The following SH3BGRL variants were observed in gnomAD, a reference collection of about 807,000 sequenced individuals.
SH3BGRL encodes SH3 domain binding glutamate rich protein like, also known as adapter SH3BGRL.
A neutral mutation model predicts 9.8 loss-of-function variants in SH3BGRL; 7 were observed. The ratio of observed to expected loss-of-function variants is 0.72; its 90% CI spans 0.41 to 1.35. The LOEUF is 1.35. Among genes scored for constraint, SH3BGRL ranks in the 40% most tolerant of loss-of-function variants. The pLI, the probability that SH3BGRL is intolerant of heterozygous loss-of-function variation, is 0.01. For synonymous variants in SH3BGRL, 36 were observed against 29.1 expected, an observed-to-expected ratio of 1.24 and a Z score of -0.76; for missense variants, 73 against 84.4, an observed-to-expected ratio of 0.86 and a Z score of 0.53.
At chrX:81,221,680 A>G in intron 1 of SH3BGRL, among the ~76,000 whole-genome samples, 1 of 112,049 alleles carries the variant, frequency 8.9e-6, no homozygotes, top group East Asian at 2.8e-4. Context: ...ATTTTGTCCT[A>G]GCATCAAGGT....
intron 3 of SH3BGRL, among the ~76,000 whole-genome samples, chrX:81,283,257 C>G (rs917534740): frequency 7.2e-5 from 8 of 111,353 alleles, no homozygotes; most frequent in Non-Finnish European, 1.5e-4. Context: ...GAATTAATAC[C>G]AATCTGTTGG....
At chrX:81,262,232 T>C (rs1399088027) in intron 1 of SH3BGRL, among the ~76,000 whole-genome samples, 1 of 110,973 alleles carries the variant, frequency 9.0e-6, no homozygotes, top group Non-Finnish European at 1.9e-5. Context: ...ATTCTAAATA[T>C]ACAGTGATGA....
intron 1 of SH3BGRL, among the ~76,000 whole-genome samples, chrX:81,213,015 C>T (rs945610227): frequency 9.8e-5 from 11 of 111,741 alleles, no homozygotes; most frequent in African/African-American, 2.9e-4. Context: ...TGTACTTTTT[C>T]GTTGAAGTAT....
At chrX:81,239,105 T>G (rs757250235) in intron 1 of SH3BGRL, among the ~76,000 whole-genome samples, 8 of 111,900 alleles carry the variant, frequency 7.1e-5, no homozygotes, top group Non-Finnish European at 1.5e-4. Flanking sequence ...ACCTAACTCT[T>G]TAATGCCCAG....
At chrX:81,270,453 T>TGA (rs2075774392) in intron 1 of SH3BGRL, among the ~76,000 whole-genome samples, 2 of 112,269 alleles carry the variant, frequency 1.8e-5, no homozygotes, top group African/African-American at 6.5e-5. Flanking sequence ...TCCTTTCTGT[T>TGA]TGTTAGGTTT....
chrX:81,295,657 T>G (rs770483930), intron 3 of SH3BGRL, among the ~76,000 whole-genome samples: 1 of 111,619 alleles, frequency 9.0e-6, no homozygotes, highest in Non-Finnish European at 1.9e-5. Flanking sequence ...CTCTCTCAAG[T>G]GCAAATTTCA....
At chrX:81,236,170 C>T (rs1179778776) in intron 1 of SH3BGRL, among the ~76,000 whole-genome samples, 1 of 111,521 alleles carries the variant, frequency 9.0e-6, no homozygotes, top group Non-Finnish European at 1.9e-5. Flanking sequence ...CTTCTTTGTA[C>T]CCCAGTGCAG....
chrX:81,219,924 C>T (rs1314371355), intron 1 of SH3BGRL, among the ~76,000 whole-genome samples: 1 of 111,182 alleles, frequency 9.0e-6, no homozygotes, highest in East Asian at 2.8e-4. Context: ...TTACATTGAT[C>T]GATTTGCATC....
At chrX:81,236,347 G>A (rs2075647821) in intron 1 of SH3BGRL, among the ~76,000 whole-genome samples, 2 of 111,480 alleles carry the variant, frequency 1.8e-5, no homozygotes, top group Non-Finnish European at 3.8e-5. Flanking sequence ...TCTATTAACG[G>A]GTACCTACAA....
At chrX:81,207,995 A>G (rs1173603737) in intron 1 of SH3BGRL, among the ~76,000 whole-genome samples, 3 of 111,860 alleles carry the variant, frequency 2.7e-5, no homozygotes, top group African/African-American at 9.8e-5. Flanking sequence ...GGTGGCTCAC[A>G]TCTGTAATCC....
chrX:81,272,918 C>T (rs2059451695), intron 1 of SH3BGRL, among the ~76,000 whole-genome samples: 1 of 111,601 alleles, frequency 9.0e-6, no homozygotes, highest in African/African-American at 3.3e-5. Context: ...TTGACTGAGT[C>T]AGTCAAAAAT....
chrX:81,281,665 C>A (rs1463621748), intron 3 of SH3BGRL, among the ~76,000 whole-genome samples: 1 of 111,890 alleles, frequency 8.9e-6, no homozygotes, highest in Non-Finnish European at 1.9e-5. Flanking sequence ...AGCTCTAAAT[C>A]TTGAAAGGAA....
intron 1 of SH3BGRL, among the ~76,000 whole-genome samples, chrX:81,220,144 G>A (rs1332466714): frequency 9.0e-6 from 1 of 110,863 alleles, no homozygotes; most frequent in Non-Finnish European, 1.9e-5. Flanking sequence ...TAATCAGTTT[G>A]GAAGTATTTC....
rs777459912 is a variant in SH3BGRL at position 81,202,263 on chromosome X, T to C, written c.45+18T>C. ...CTACAGCGGTAAGGAGAGTGGGGAG[T>C]CCACCTTTGTTGTTTTCCTACACAC... is the stretch of plus-strand genomic sequence containing the variant. On this transcript the variant is annotated intron_variant, in intron 1 of 3. Coordinates refer to ENST00000373212, the MANE Select transcript of SH3BGRL (RefSeq NM_003022.3). 4.2e-6 allele frequency: 5 copies of C among 1,190,106 alleles called. No homozygotes were observed. The Admixed American group carries it at 6.7e-5, about 16-fold the overall frequency.
At chrX:81,242,522 T>C (rs766604981) in intron 1 of SH3BGRL, among the ~76,000 whole-genome samples, 6 of 112,124 alleles carry the variant, frequency 5.4e-5, no homozygotes, top group Non-Finnish European at 7.5e-5. Context: ...CAAAAATTGC[T>C]TGAGTAACAC....
At chrX:81,293,674 T>G (rs1358356268) in intron 3 of SH3BGRL, among the ~76,000 whole-genome samples, 1 of 111,663 alleles carries the variant, frequency 9.0e-6, no homozygotes, top group Non-Finnish European at 1.9e-5. Flanking sequence ...TAGAGTGAGA[T>G]TCCATCTCAA....
chrX:81,277,127 C>A lies in SH3BGRL; in HGVS notation c.189C>A (p.Tyr63Ter), dbSNP rs1387570176. The A allele has an allele frequency of 1.7e-6, 2 of 1,207,111 alleles. No homozygotes were observed. The highest frequency in any genetic ancestry group is 2.2e-6 in the Non-Finnish European group (2 of 893,865). ...AAAATAGTCGACCAGCCACAGGTTA[C>A]CCCCTGCCACCTCAGATTTTCAATG... is the stretch of plus-strand genomic sequence containing the variant. ...VPENSRPATG[Y>*]PLPPQIFNES... Residue 63 changes from tyrosine to a stop codon, truncating the protein, a stop_gained, in exon 2 of 4, where the codon TAC (tyrosine) becomes TAA (stop). Coordinates refer to ENST00000373212, the MANE Select transcript of SH3BGRL (RefSeq NM_003022.3). LOFTEE classifies it high-confidence loss of function.
chrX:81,255,078 C>T lies in SH3BGRL; in HGVS notation c.46-21906C>T, dbSNP rs1210796403. 6.4e-5 allele frequency among the ~76,000 whole-genome samples: 7 copies of T among 110,037 alleles called. No homozygotes were observed. In the East Asian group the frequency reaches 8.6e-4, roughly 14 times the overall value. ...CTAATTTTTGTATTTTTAGTAAAGA[C>T]GGGGTTTTATCATGTTGGCCAGGAG... is the stretch of plus-strand genomic sequence containing the variant. On this transcript the variant is annotated intron_variant, in intron 1 of 3. Coordinates refer to ENST00000373212, the MANE Select transcript of SH3BGRL (RefSeq NM_003022.3).
intron 1 of SH3BGRL, among the ~76,000 whole-genome samples, chrX:81,227,437 A>G (rs911616551): frequency 8.9e-6 from 1 of 111,744 alleles, no homozygotes; most frequent in East Asian, 2.8e-4. Context: ...TGCTGGGTCT[A>G]TTTGAGAACA....
Sources: gnomAD v4.1 joint callset for allele counts (sites outside exome capture counted in the v4.1 genomes callset) on GRCh38, gnomAD v4.1.1 for gene constraint, MANE v1.5 for transcripts, NCBI Gene and HGNC (gene_info 2026-07-23, HGNC 2026-07-21) for gene names.